HIVEP1: variants seen among roughly 807,000 people sequenced by gnomAD.
The protein encoded by HIVEP1 is HIVEP zinc finger 1, also known as zinc finger protein 40.
A neutral mutation model predicts 180.0 loss-of-function variants in HIVEP1; 36 were observed. The observed-to-expected ratio is 0.20, with a 90% CI of 0.15 to 0.26. The LOEUF (loss-of-function observed/expected upper bound fraction) is 0.26, where lower values mean the gene tolerates loss of function less well. HIVEP1 is among the 10% of genes least tolerant of loss of function. The pLI, the probability that HIVEP1 is intolerant of heterozygous loss-of-function variation, is 1.00. For missense variants in HIVEP1, 3,143 were observed against 3,268.7 expected (o/e 0.96, Z 0.94); for synonymous variants, 1,239 against 1,239.0 (o/e 1.00, Z 0.00).
rs768689076 is a variant in HIVEP1, at chr6:12,123,547, G to A, written c.3752G>A (p.Cys1251Tyr). The A allele has an allele frequency of 1.9e-6, 3 of 1,614,018 alleles. No individual in the cohort carries two copies. The highest frequency in any genetic ancestry group is 2.7e-5 in the African/African-American group (2 of 74,906). Reference protein sequence around the residue: ...EEPDRDLEAQCHDQEKSEKFS... With the variant: ...EEPDRDLEAQYHDQEKSEKFS... ...CCAGATCGAGACCTGGAAGCTCAAT[G>A]CCATGATCAAGAAAAGTCAGAGAAG... The change falls in exon 4 of 9, where the codon TGC (cysteine) becomes TAC (tyrosine). Residue 1251 changes from cysteine to tyrosine, a missense_variant. Transcript: ENST00000379388.
At chr6:12,109,587 A>G (rs149519829) in intron 3 of HIVEP1, among the ~76,000 whole-genome samples, 30 of 152,338 alleles carry the variant, frequency 2.0e-4, no homozygotes, top group African/African-American at 6.5e-4. Context: ...TTCAAGCCTT[A>G]TCGTGAGATT....
intron 2 of HIVEP1, among the ~76,000 whole-genome samples, chr6:12,027,453 A>G (rs1249519578): frequency 6.6e-6 from 1 of 152,222 alleles, no homozygotes; most frequent in Non-Finnish European, 1.5e-5. Context: ...TACCAAGGTC[A>G]TGGGTCTCAA....
chr6:12,088,616 G>T (rs1161453374), intron 2 of HIVEP1, among the ~76,000 whole-genome samples: 1 of 152,060 alleles, frequency 6.6e-6, no homozygotes, highest in Admixed American at 6.6e-5. Context: ...TAGCAGTTCT[G>T]CAGTGAGTTG....
intron 2 of HIVEP1, among the ~76,000 whole-genome samples, chr6:12,053,887 T>G: frequency 6.6e-6 from 1 of 152,212 alleles, no homozygotes; most frequent in South Asian, 2.1e-4. Context: ...ATCTTTTACT[T>G]AAGGTCATTA....
the HIVEP1 span, among the ~76,000 whole-genome samples, chr6:12,200,400 G>A: frequency 6.6e-6 from 1 of 152,218 alleles, no homozygotes; most frequent in South Asian, 2.1e-4. Flanking sequence ...CTCTGCAGGC[G>A]CAGTTATGGA....
Position 12,089,201 on chromosome 6 carries a change from C to A in HIVEP1, c.58C>A (p.Gln20Lys). The A allele has an allele frequency of 1.3e-6, 2 of 1,555,268 alleles. No homozygotes were observed. Among genetic ancestry groups the A allele is most frequent in the South Asian group, 2.3e-5 (2 of 86,948 alleles). Reference protein sequence around the residue: ...RNLRDKIEEAQKELNGAEVSK... With the variant: ...RNLRDKIEEAKKELNGAEVSK... ...TTTCTTAGACAAAATTGAAGAAGCA[C>A]AAAAAGAACTTAATGGGGCAGAAGT... The change falls in exon 3 of 9, where the codon CAA (glutamine) becomes AAA (lysine). Residue 20 changes from glutamine to lysine, a missense_variant. Around this residue, in one of 12 missense-constraint regions of HIVEP1, gnomAD observed 114 missense variants for 134.5 expected, o/e 0.85. Transcript: ENST00000379388.
the HIVEP1 span, among the ~76,000 whole-genome samples, chr6:12,170,102 CAG>C: frequency 2.2e-4 from 33 of 151,240 alleles, no homozygotes; most frequent in East Asian, 5.6e-3. Flanking sequence ...GCCTGGGCGA[CAG>C]AGTGAGACTC....
At chr6:12,153,737 TAAAC>T (rs779667153) in intron 7 of HIVEP1, among the ~76,000 whole-genome samples, 14 of 152,048 alleles carry the variant, frequency 9.2e-5, no homozygotes, top group South Asian at 4.1e-4. Flanking sequence ...AGTGTCCTAT[TAAAC>T]AATCAGAAGA....
intron 3 of HIVEP1, among the ~76,000 whole-genome samples, chr6:12,117,763 T>C (rs1212186888): frequency 6.6e-6 from 1 of 152,232 alleles, no homozygotes; most frequent in African/African-American, 2.4e-5. Context: ...CCATGGTGTT[T>C]CAGCTCTGCT....
the HIVEP1 span, among the ~76,000 whole-genome samples, chr6:12,190,865 A>G: frequency 6.6e-6 from 1 of 152,220 alleles, no homozygotes; most frequent in South Asian, 2.1e-4. Flanking sequence ...ATTTAAGACC[A>G]AAAGTTTGTA....
the HIVEP1 span, among the ~76,000 whole-genome samples, chr6:12,186,540 A>G: frequency 3.4e-5 from 2 of 59,446 alleles, no homozygotes; most frequent in Non-Finnish European, 7.8e-5. Flanking sequence ...TAAAACCATC[A>G]AATTGTTAAA....
rs542581480 is a variant in HIVEP1 at position 12,089,311 on chromosome 6, C to T, written c.94+74C>T. The T allele has an allele frequency of 2.7e-5, 22 of 824,550 alleles. No homozygotes were observed. In the East Asian group the frequency reaches 5.5e-4, roughly 21 times the overall value. 51.1% of individuals were successfully genotyped at this position (824,550 alleles called of 1,614,324 possible). A position where few individuals can be genotyped will look rare whatever the true frequency, so the allele number is the denominator to read the frequency against. On this transcript the variant is annotated intron_variant, in intron 3 of 8. Transcript: ENST00000379388. ...TATACATATACCTCATAAATGTAGC[C>T]TTATGAAATAAATCAGTATAGACAT...
At chr6:12,065,669 TTG>T (rs68050049) in intron 2 of HIVEP1, among the ~76,000 whole-genome samples, 7,258 of 143,040 alleles carry the variant, frequency 0.051, 217 homozygotes, top group South Asian at 0.14. Context: ...CAGGTAGGTT[TTG>T]TGTGTGTGTG....
At chr6:12,210,460 TTAGAG>T in the HIVEP1 span, among the ~76,000 whole-genome samples, 7,775 of 152,248 alleles carry the variant, frequency 0.051, 431 homozygotes, top group African/African-American at 0.14. Context: ...TTCAGCATAG[TTAGAG>T]TAGTTTAAAG....
At chr6:12,082,195 A>G (rs1010258037) in intron 2 of HIVEP1, among the ~76,000 whole-genome samples, 7 of 152,146 alleles carry the variant, frequency 4.6e-5, no homozygotes, top group Non-Finnish European at 8.8e-5. Context: ...AAAAGAATGT[A>G]TACAGTCTGG....
intron 2 of HIVEP1, among the ~76,000 whole-genome samples, chr6:12,085,675 G>A (rs1351251316): frequency 1.3e-5 from 2 of 152,094 alleles, no homozygotes; most frequent in African/African-American, 4.8e-5. Context: ...AACCTGTGAT[G>A]CATTAGAGCC....
intron 2 of HIVEP1, among the ~76,000 whole-genome samples, chr6:12,046,847 G>GTGTGTGTGTGTGTT (rs1380836797): frequency 6.8e-6 from 1 of 147,910 alleles, no homozygotes; most frequent in African/African-American, 2.5e-5. Context: ...CCACTACACT[G>GTGTGTGTGTGTGTT]TGTGTGTGTG....
chr6:12,125,000 C>T lies in HIVEP1; in HGVS notation c.5205C>T (p.Ser1735=). 6.2e-7 allele frequency: 1 copy of T among 1,614,136 alleles called. No homozygotes were observed. Among genetic ancestry groups the T allele is most frequent in the East Asian group, 2.2e-5 (1 of 44,894 alleles). ...AGAAAATATCTGTTGGTCGACTTTC[C>T]CCTCAACAAGAATCTTCAGCTTCGA... is the stretch of plus-strand genomic sequence containing the variant. ...ITQKISVGRL[S]PQQESSASSK... The change falls in exon 4 of 9, where the codon TCC becomes TCT. Residue 1735 remains serine, a synonymous_variant. Coordinates refer to ENST00000379388, the MANE Select transcript of HIVEP1 (RefSeq NM_002114.4).
At chr6:12,049,024 C>T (rs549911480) in intron 2 of HIVEP1, among the ~76,000 whole-genome samples, 3 of 152,282 alleles carry the variant, frequency 2.0e-5, no homozygotes, top group South Asian at 4.1e-4. Flanking sequence ...GTCTAGCCAA[C>T]TCTGGCTTAC....
Sources: gnomAD v4.1 joint callset for allele counts (sites outside exome capture counted in the v4.1 genomes callset) on GRCh38, gnomAD v4.1.1 for gene constraint, gnomAD v4.1.1 regional missense constraint, MANE v1.5 for transcripts, NCBI Gene and HGNC (gene_info 2026-07-23, HGNC 2026-07-21) for gene names.